The following PDGFD variants were observed in gnomAD, a reference collection of about 807,000 sequenced individuals.
PDGFD encodes the protein platelet derived growth factor D.
In PDGFD, 30 loss-of-function variants were observed where a neutral mutation model predicts 44.7. The ratio of observed to expected loss-of-function variants is 0.67; its 90% confidence interval spans 0.50 to 0.91. PDGFD has a LOEUF of 0.91. Among genes scored for constraint, PDGFD ranks in the 40% least tolerant of loss-of-function variants. PDGFD has a pLI of 0.00. For missense variants in PDGFD, 445 were observed against 457.8 expected (o/e 0.97, Z 0.25); for synonymous variants, 173 against 168.4 (o/e 1.03, Z -0.21).
intron 3 of PDGFD, among the ~76,000 whole-genome samples, chr11:103,986,483 GC>G (rs1405694239): frequency 1.3e-5 from 2 of 152,114 alleles, no homozygotes; most frequent in African/African-American, 4.8e-5. Context: ...TACTGCCCCA[GC>G]CCACAGATAT....
chr11:103,930,866 G>A (rs2134313629), intron 5 of PDGFD, among the ~76,000 whole-genome samples: 1 of 152,312 alleles, frequency 6.6e-6, no homozygotes, highest in African/African-American at 2.4e-5. Flanking sequence ...AATAAACCAG[G>A]CAGCTATTCA....
At chr11:104,009,463 A>G (rs923072827) in intron 1 of PDGFD, among the ~76,000 whole-genome samples, 1 of 151,662 alleles carries the variant, frequency 6.6e-6, no homozygotes, top group Non-Finnish European at 1.5e-5. Context: ...TATCATTACT[A>G]CTCAATGACC....
intron 1 of PDGFD, among the ~76,000 whole-genome samples, chr11:104,092,459 T>C (rs1368221867): frequency 1.3e-5 from 2 of 152,124 alleles, no homozygotes; most frequent in African/African-American, 4.8e-5. Flanking sequence ...AATCTCTACA[T>C]ACAACAATAG....
At chr11:103,926,674 T>C (rs183701681) in intron 6 of PDGFD, among the ~76,000 whole-genome samples, 21 of 152,334 alleles carry the variant, frequency 1.4e-4, no homozygotes, top group Non-Finnish European at 2.6e-4. Context: ...AATGTTGATG[T>C]TGATCCACAT....
chr11:103,995,690 A>G (rs1859524384), intron 3 of PDGFD, among the ~76,000 whole-genome samples: 1 of 152,248 alleles, frequency 6.6e-6, no homozygotes, highest in African/African-American at 2.4e-5. Flanking sequence ...TCAAACTAAA[A>G]GAGGAAATTA....
chr11:104,001,245 G>A (rs1859614385), intron 1 of PDGFD, among the ~76,000 whole-genome samples: 1 of 152,204 alleles, frequency 6.6e-6, no homozygotes, highest in Admixed American at 6.5e-5. Flanking sequence ...CAAGACTTGG[G>A]TGAGTTTCCC....
intron 1 of PDGFD, among the ~76,000 whole-genome samples, chr11:104,087,367 C>T (rs922127262): frequency 6.6e-6 from 1 of 151,936 alleles, no homozygotes; most frequent in Non-Finnish European, 1.5e-5. Context: ...TGCCACCACG[C>T]CTGCCTAATT....
At chr11:104,050,022 G>A (rs1203340425) in intron 1 of PDGFD, among the ~76,000 whole-genome samples, 1 of 152,148 alleles carries the variant, frequency 6.6e-6, no homozygotes, top group Admixed American at 6.5e-5. Context: ...CTTTTACTAT[G>A]AAGGTAGTTC....
intron 1 of PDGFD, among the ~76,000 whole-genome samples, chr11:104,085,166 T>C (rs904037377): frequency 2.4e-4 from 36 of 151,862 alleles, no homozygotes; most frequent in African/African-American, 8.2e-4. Context: ...CCCATCACCA[T>C]TGTTACAGCA....
chr11:104,121,834 T>A (rs1392966037), intron 1 of PDGFD, among the ~76,000 whole-genome samples: 1 of 152,092 alleles, frequency 6.6e-6, no homozygotes, highest in Non-Finnish European at 1.5e-5. Context: ...TCCAAATATG[T>A]ACCAAATATT....
chr11:103,962,681 G>A (rs1198694166), intron 3 of PDGFD, among the ~76,000 whole-genome samples: 1 of 152,134 alleles, frequency 6.6e-6, no homozygotes, highest in Non-Finnish European at 1.5e-5. Context: ...GCACTCAATT[G>A]AATTACATAT....
chr11:104,080,040 T>A (rs1289924024), intron 1 of PDGFD, among the ~76,000 whole-genome samples: 2 of 152,194 alleles, frequency 1.3e-5, no homozygotes. Context: ...AAAATCCCTA[T>A]GAGTTACTCT....
chr11:104,158,232 T>C lies in PDGFD; in HGVS notation c.124+5572A>G, dbSNP rs1166116357. On this transcript the variant is annotated intron_variant, in intron 1 of 6. Transcript: ENST00000393158. ...AACTCTTATGATGAACACACATATG[T>C]GAAGAAGAAGTGTGATAATACATGT... Among the ~76,000 whole-genome samples the C allele has an allele frequency of 2.0e-5, 3 of 152,214 alleles. No individual in the cohort carries two copies. In the East Asian group the frequency reaches 5.8e-4, roughly 29 times the overall value.
chr11:104,019,385 T>C (rs545260502), intron 1 of PDGFD, among the ~76,000 whole-genome samples: 10 of 152,306 alleles, frequency 6.6e-5, no homozygotes, highest in African/African-American at 2.4e-4. Flanking sequence ...ATGAGGCCCA[T>C]TAATGTCTGA....
At chr11:104,032,906 G>A (rs2134390959) in intron 1 of PDGFD, among the ~76,000 whole-genome samples, 1 of 151,960 alleles carries the variant, frequency 6.6e-6, no homozygotes, top group East Asian at 1.9e-4. Flanking sequence ...AAAAGTAAGG[G>A]AGTATACTTC....
chr11:104,067,005 G>A (rs1483223491), intron 1 of PDGFD, among the ~76,000 whole-genome samples: 3 of 152,166 alleles, frequency 2.0e-5, no homozygotes, highest in African/African-American at 7.2e-5. Context: ...AGGTGCTGGT[G>A]ACGAAAGCTG....
intron 1 of PDGFD, among the ~76,000 whole-genome samples, chr11:104,062,125 CA>C (rs1289362210): frequency 6.6e-6 from 1 of 152,200 alleles, no homozygotes; most frequent in African/African-American, 2.4e-5. Context: ...GACAGCTTTT[CA>C]ATGACATTTT....
At chr11:104,091,068 T>C (rs1338963450) in intron 1 of PDGFD, among the ~76,000 whole-genome samples, 1 of 152,168 alleles carries the variant, frequency 6.6e-6, no homozygotes, top group Non-Finnish European at 1.5e-5. Flanking sequence ...AACAGTGTGA[T>C]TTACACAGCT....
rs750450904 is a variant in PDGFD at position 104,036,901 on chromosome 11, C to G, written c.125-36646G>C. ...TCTCCAGGTCAGCCCCGACTTTGAG[C>G]TCCGAAACTTCAAGGTCCTCTGCGA... On this transcript the variant is annotated intron_variant, in intron 1 of 6. Coordinates refer to ENST00000393158, the MANE Select transcript of PDGFD (RefSeq NM_025208.5). 5.0e-6 allele frequency: 8 copies of G among 1,614,054 alleles called. No individual in the cohort carries two copies. In the South Asian group the frequency reaches 7.7e-5, roughly 16 times the overall value.
Sources: gnomAD v4.1 joint callset for allele counts (sites outside exome capture counted in the v4.1 genomes callset) on GRCh38, gnomAD v4.1.1 for gene constraint, MANE v1.5 for transcripts, NCBI Gene and HGNC (gene_info 2026-07-23, HGNC 2026-07-21) for gene names.